Variants in NFIC observed in about 807,000 individuals in gnomAD.
NFIC encodes the protein nuclear factor 1 C-type.
In NFIC, 12 loss-of-function variants were observed where a neutral mutation model predicts 54.4. The observed-to-expected ratio is 0.22, with a 90% CI of 0.14 to 0.36. The LOEUF (loss-of-function observed/expected upper bound fraction) is 0.36, where lower values mean the gene tolerates loss of function less well. Ranked by LOEUF, NFIC falls within the 10% of genes least tolerant of loss-of-function variation. The pLI is 1.00. For synonymous variants in NFIC, 322 were observed against 319.2 expected (o/e 1.01, Z -0.09); for missense variants, 575 against 718.2 (o/e 0.80, Z 2.28).
chr19:3,450,356 A>G (rs113475012), intron 7 of NFIC, among the ~76,000 whole-genome samples: 14 of 146,490 alleles, frequency 9.6e-5, no homozygotes, highest in Admixed American at 2.0e-4. Context: ...AAAAAAAAAA[A>G]AGAGACATCT....
intron 1 of NFIC, among the ~76,000 whole-genome samples, chr19:3,373,617 A>ACCCC (rs150678004): frequency 6.1e-4 from 48 of 78,626 alleles, no homozygotes; most frequent in South Asian, 4.0e-3. Context: ...ACCTTCCTGG[A>ACCCC]CCCCCCCCCC....
rs2082672712 is a variant in NFIC, at chr19:3,463,563, C to T, written c.*794C>T. On this transcript the variant is annotated 3_prime_UTR_variant, in exon 11 of 11. Coordinates refer to ENST00000443272, the MANE Select transcript of NFIC (RefSeq NM_001245002.2). ...CCGACTCGCTGTCTCGCTGGGGACT[C>T]TTTCAGCCCTCGCGCCCGCCCGTTT... 2 of 984,662 alleles carry T rather than the reference C, an allele frequency of 2.0e-6. No individual in the cohort carries two copies. Among genetic ancestry groups the T allele is most frequent in the South Asian group, 4.7e-5 (1 of 21,248 alleles). 61.0% of individuals were successfully genotyped at this position (984,662 alleles called of 1,614,324 possible).
At chr19:3,450,026 A>T (rs1599714907) in intron 7 of NFIC, among the ~76,000 whole-genome samples, 1 of 146,852 alleles carries the variant, frequency 6.8e-6, no homozygotes, top group African/African-American at 2.5e-5. Flanking sequence ...TTGCACTCCA[A>T]CCTGGGCGAC....
At chr19:3,411,702 AC>A (rs2081763612) in intron 2 of NFIC, among the ~76,000 whole-genome samples, 1 of 151,886 alleles carries the variant, frequency 6.6e-6, no homozygotes, top group African/African-American at 2.4e-5. Context: ...TGACCTGTGA[AC>A]CCCAGGTTTG....
At chr19:3,422,276 G>A (rs1028994892) in intron 2 of NFIC, among the ~76,000 whole-genome samples, 1 of 151,346 alleles carries the variant, frequency 6.6e-6, no homozygotes, top group African/African-American at 2.4e-5. Flanking sequence ...GTCTCACTAT[G>A]TTGCCCTGGC....
chr19:3,461,098 C>CT (rs1428916316), intron 10 of NFIC, among the ~76,000 whole-genome samples: 3 of 151,916 alleles, frequency 2.0e-5, no homozygotes, highest in Non-Finnish European at 4.4e-5. Context: ...GCACTCCAGC[C>CT]TGGTGACAAG....
At chr19:3,367,845 G>T (rs1404444835) in intron 1 of NFIC, among the ~76,000 whole-genome samples, 1 of 152,166 alleles carries the variant, frequency 6.6e-6, no homozygotes, top group Non-Finnish European at 1.5e-5. Flanking sequence ...ACTGTGTGGG[G>T]AGTATATGAG....
rs1224297988 is a variant in NFIC, at chr19:3,468,408, C to T, written c.*5639C>T. 1.3e-5 allele frequency: 2 copies of T among 152,240 alleles called. No homozygotes were observed. The highest frequency in any genetic ancestry group is 2.9e-5 in the Non-Finnish European group (2 of 68,120). 9.4% of individuals were successfully genotyped at this position (152,240 alleles called of 1,614,324 possible). On this transcript the variant is annotated 3_prime_UTR_variant, in exon 11 of 11. Coordinates refer to ENST00000443272, the MANE Select transcript of NFIC (RefSeq NM_001245002.2). ...CCCTCAACTGCATCCACACCCCATC[C>T]TCTCATCTTGGGTCCCAGCCAGGCC... is the stretch of plus-strand genomic sequence containing the variant.
intron 6 of NFIC, among the ~76,000 whole-genome samples, chr19:3,446,732 T>G (rs1389412154): frequency 6.6e-6 from 1 of 152,198 alleles, no homozygotes; most frequent in African/African-American, 2.4e-5. Flanking sequence ...TAGCCCTCAC[T>G]TGAAAAAGCT....
At chr19:3,450,540 A>C (rs2082445683) in intron 7 of NFIC, among the ~76,000 whole-genome samples, 1 of 151,574 alleles carries the variant, frequency 6.6e-6, no homozygotes, top group African/African-American at 2.4e-5. Context: ...CTGTGATCCC[A>C]GCTACTCAGG....
At chr19:3,415,947 T>C (rs1340585228) in intron 2 of NFIC, among the ~76,000 whole-genome samples, 1 of 151,998 alleles carries the variant, frequency 6.6e-6, no homozygotes, top group Non-Finnish European at 1.5e-5. Context: ...GCTTCAGCCC[T>C]GGAGTTTGAG....
intron 2 of NFIC, among the ~76,000 whole-genome samples, chr19:3,405,024 G>C (rs982959380): frequency 6.6e-6 from 1 of 152,214 alleles, no homozygotes; most frequent in Non-Finnish European, 1.5e-5. Context: ...ACACCGAGGC[G>C]TCCACCAGCG....
upstream of NFIC, among the ~76,000 whole-genome samples, chr19:3,363,551 C>T (rs1305783906): frequency 1.3e-5 from 2 of 151,068 alleles, no homozygotes; most frequent in South Asian, 2.1e-4. Flanking sequence ...GGATTACAGG[C>T]GTGAGCCACT....
At chr19:3,407,207 G>A (rs889194300) in intron 2 of NFIC, among the ~76,000 whole-genome samples, 7 of 151,860 alleles carry the variant, frequency 4.6e-5, no homozygotes, top group Middle Eastern at 3.4e-3. Context: ...TCTGCCTCCC[G>A]GGTTCACGCC....
chr19:3,455,958 C>A (rs887322842), intron 9 of NFIC, among the ~76,000 whole-genome samples: 2 of 152,186 alleles, frequency 1.3e-5, no homozygotes, highest in African/African-American at 2.4e-5. Flanking sequence ...AACTTGGGGA[C>A]CCTGCCTGTT....
rs1360816316 is a variant in NFIC, at chr19:3,467,755, A to AT, written c.*4987dup. On this transcript the variant is annotated 3_prime_UTR_variant, in exon 11 of 11. Coordinates refer to ENST00000443272, the MANE Select transcript of NFIC (RefSeq NM_001245002.2). ...TTGACCTCCAGTGTAGGGCTATACT[A>AT]TACATATATATATATATATATATAT... 10 of 89,582 alleles carry AT rather than the reference A, an allele frequency of 1.1e-4. No homozygotes were observed. Among genetic ancestry groups the AT allele is most frequent in the African/African-American group, 4.5e-4 (10 of 22,144 alleles). The allele number at this position is 89,582 out of a possible 1,614,324, so 5.5% of individuals were successfully genotyped here. A position where few individuals can be genotyped will look rare whatever the true frequency, so the allele number is the denominator to read the frequency against.
chr19:3,454,311 T>G, intron 9 of NFIC: 1 of 993,378 alleles, frequency 1.0e-6, no homozygotes, highest in Non-Finnish European at 1.2e-6. Flanking sequence ...AGAAAGAGAA[T>G]CGGTTGTTAT....
intron 1 of NFIC, among the ~76,000 whole-genome samples, chr19:3,371,243 AC>A (rs2081003322): frequency 1.3e-5 from 2 of 149,862 alleles, no homozygotes; most frequent in South Asian, 4.3e-4. Context: ...CCACCCCCGG[AC>A]CGTTTCTTGC....
rs1366161641 is a variant in NFIC, at chr19:3,369,054, G to A, written c.30+2388G>A. Among the ~76,000 whole-genome samples the A allele has an allele frequency of 6.6e-6, 1 of 151,450 alleles. No homozygotes were observed. On this transcript the variant is annotated intron_variant, in intron 1 of 10. Transcript: ENST00000443272. The surrounding 1 kb of genome is among the most constrained non-coding windows in gnomAD (Gnocchi z 4.3). ...CTTTCTCATCCTCTGTCTCTCTGATGTCTCAGTCTCTCCCACTGTCTCTGT... is the reference window on the plus strand; with the variant it reads ...CTTTCTCATCCTCTGTCTCTCTGATATCTCAGTCTCTCCCACTGTCTCTGT...
Sources: allele counts gnomAD v4.1 joint callset (sites outside exome capture counted in the v4.1 genomes callset), GRCh38; gene constraint gnomAD v4.1.1; non-coding constraint Gnocchi (gnomAD v3.1); transcripts MANE v1.5; gene names NCBI Gene and HGNC (gene_info 2026-07-23, HGNC 2026-07-21).